PVT1: variants seen among roughly 807,000 people sequenced by gnomAD.
PVT1 encodes CXCR4/PVT1 fusion.
At chr8:127,937,578 C>CAGAGAGAGAGAG (rs1296575228) in intron 3 of PVT1, among the ~76,000 whole-genome samples, 1,513 of 119,136 alleles carry the variant, frequency 0.013, 8 homozygotes, top group Non-Finnish European at 0.018. Flanking sequence ...CACACACACA[C>CAGAGAGAGAGAG]ACAGAGAGAG....
intron 3 of PVT1, among the ~76,000 whole-genome samples, chr8:127,948,892 C>T (rs921366101): frequency 3.3e-5 from 5 of 152,234 alleles, no homozygotes; most frequent in Non-Finnish European, 7.3e-5. Context: ...ATGAGCAAGT[C>T]ACTCACCCTC....
At chr8:127,807,932 T>G (rs1332265049) in intron 2 of PVT1, among the ~76,000 whole-genome samples, 2 of 151,902 alleles carry the variant, frequency 1.3e-5, no homozygotes, top group African/African-American at 2.4e-5. Flanking sequence ...CACGCCCGGT[T>G]AATTGTTTTG....
intron 2 of PVT1, among the ~76,000 whole-genome samples, chr8:127,871,580 T>C (rs905920160): frequency 6.6e-6 from 1 of 152,072 alleles, no homozygotes; most frequent in African/African-American, 2.4e-5. Flanking sequence ...TGCCTCTTAG[T>C]GTAGGGCATG....
chr8:127,972,812 G>A lies in PVT1; in HGVS notation n.783-16350G>A, dbSNP rs1429832879. ...TCCCAGAGAAGCTGATGACATAATT[G>A]CTCTGGGAAGGACTGGGGCATCTGT... On this transcript the variant is annotated intron_variant and non_coding_transcript_variant, in intron 3 of 10. Transcript: ENST00000651587. Among the ~76,000 whole-genome samples the A allele has an allele frequency of 2.0e-5, 3 of 152,142 alleles. No homozygotes were observed. In the East Asian group the frequency reaches 5.8e-4, roughly 29 times the overall value.
chr8:127,814,555 T>TTTG (rs1368868291), intron 2 of PVT1, among the ~76,000 whole-genome samples: 1 of 152,198 alleles, frequency 6.6e-6, no homozygotes, highest in East Asian at 1.9e-4. Flanking sequence ...TTAATCTCCC[T>TTTG]AGCAAACCCT....
At chr8:128,082,151 G>T (rs1423569761) in intron 5 of PVT1, among the ~76,000 whole-genome samples, 1 of 152,200 alleles carries the variant, frequency 6.6e-6, no homozygotes, top group Non-Finnish European at 1.5e-5. Context: ...GCTTAGTATT[G>T]TCAGGGTCTT....
intron 4 of PVT1, among the ~76,000 whole-genome samples, chr8:128,003,760 A>G (rs1817214024): frequency 6.6e-6 from 1 of 152,286 alleles, no homozygotes; most frequent in Non-Finnish European, 1.5e-5. Context: ...CTATTCTCCA[A>G]CATGACTGAT....
chr8:128,016,692 A>G (rs1817378783), intron 4 of PVT1, among the ~76,000 whole-genome samples: 1 of 152,222 alleles, frequency 6.6e-6, no homozygotes, highest in Non-Finnish European at 1.5e-5. Context: ...GAGGGAGACG[A>G]AGATGAGTCA....
intron 2 of PVT1, among the ~76,000 whole-genome samples, chr8:127,796,896 GA>G (rs1270018564): frequency 2.9e-3 from 93 of 31,686 alleles, no homozygotes; most frequent in African/African-American, 8.7e-3. Flanking sequence ...TTTTTTTTTT[GA>G]GACAGAGTTT....
rs79946154 is a variant in PVT1, at chr8:128,085,480, A to G, written n.1115-11038A>G. ...TCTTCCTCCTATGTACTAGGCAATC[A>G]TGAGAAAAACCTTTTTTTTTTAACA... is the stretch of plus-strand genomic sequence containing the variant. On this transcript the variant is annotated intron_variant and non_coding_transcript_variant, in intron 5 of 10. Transcript: ENST00000651587. Among the ~76,000 whole-genome samples the G allele has an allele frequency of 8.6e-3, 1,109 of 129,196 alleles. 34 individuals carry two copies. In the East Asian group the frequency reaches 0.091, roughly 11 times the overall value. 84.8% of individuals were successfully genotyped at this position (129,196 alleles called of 152,430 possible). A position where few individuals can be genotyped will look rare whatever the true frequency, so the allele number is the denominator to read the frequency against.
chr8:127,795,044 C>G (rs1322328551), intron 1 of PVT1, among the ~76,000 whole-genome samples: 1 of 152,138 alleles, frequency 6.6e-6, no homozygotes, highest in Non-Finnish European at 1.5e-5. Flanking sequence ...GATTTGGAGC[C>G]ATGATGTGGT....
At chr8:127,856,233 G>C (rs1009438032) in intron 2 of PVT1, among the ~76,000 whole-genome samples, 2 of 152,210 alleles carry the variant, frequency 1.3e-5, no homozygotes, top group African/African-American at 4.8e-5. Context: ...GTAGGGCTTA[G>C]GGGGTATGCT....
In PVT1 at chr8:128,044,019, T is replaced by A. The variant is rs79558951; in HGVS notation, n.913-26141T>A. On this transcript the variant is annotated intron_variant and non_coding_transcript_variant, in intron 4 of 10. Coordinates refer to ENST00000651587, the Ensembl canonical transcript of PVT1. ...TTTTTTTATTATTATTTATTTATTT[T>A]TTTTTTTTTTTGTAGAGAAGGGGTC... Among the ~76,000 whole-genome samples the A allele has an allele frequency of 1.3e-3, 124 of 99,114 alleles. No individual in the cohort carries two copies. The Middle Eastern group carries it at 0.021, about 16-fold the overall frequency. The allele number at this position is 99,114 out of a possible 152,430, so 65.0% of individuals were successfully genotyped here.
In PVT1 at chr8:128,017,066, G is replaced by A. The variant is rs145710100; in HGVS notation, n.912+27775G>A. On this transcript the variant is annotated intron_variant and non_coding_transcript_variant, in intron 4 of 10. Coordinates refer to ENST00000651587, the Ensembl canonical transcript of PVT1. ...AAGATGGTGTAGAACATCAGAGAGG[G>A]GCTCTTGGAGATTATCTGGCCATCG... Among the ~76,000 whole-genome samples the A allele has an allele frequency of 2.2e-3, 333 of 152,204 alleles. 1 individual carries two copies. Among genetic ancestry groups the A allele is most frequent in the Non-Finnish European group, 3.9e-3 (265 of 68,008 alleles).
At chr8:127,827,294 C>G (rs951502294) in intron 2 of PVT1, among the ~76,000 whole-genome samples, 1 of 152,174 alleles carries the variant, frequency 6.6e-6, no homozygotes, top group Non-Finnish European at 1.5e-5. Context: ...CCACACCCGA[C>G]CTAGCCCCAG....
At chr8:128,012,225 CAG>C (rs1283782252) in intron 4 of PVT1, among the ~76,000 whole-genome samples, 1 of 152,130 alleles carries the variant, frequency 6.6e-6, no homozygotes, top group East Asian at 1.9e-4. Flanking sequence ...AATACATGGG[CAG>C]AGTCATTTCT....
intron 2 of PVT1, among the ~76,000 whole-genome samples, chr8:127,802,062 C>T (rs1336064744): frequency 6.6e-6 from 1 of 151,886 alleles, no homozygotes; most frequent in East Asian, 1.9e-4. Flanking sequence ...ATTACAGGTG[C>T]CCACCACCAC....
Position 127,978,469 on chromosome 8 carries a change from T to TTTA in PVT1, n.783-10681_783-10679dup, listed in dbSNP as rs200294368. ...TCCAGCCTTAGTTGTCATGTTTTTG[T>TTTA]TTATTATTATTATTTATTATTATTA... is the stretch of plus-strand genomic sequence containing the variant. On this transcript the variant is annotated intron_variant and non_coding_transcript_variant, in intron 3 of 10. Coordinates refer to ENST00000651587, the Ensembl canonical transcript of PVT1. Among the ~76,000 whole-genome samples the TTTA allele has an allele frequency of 6.9e-3, 1,048 of 151,548 alleles. 11 individuals carry two copies. The highest frequency in any genetic ancestry group is 0.024 in the African/African-American group (1,009 of 41,274).
chr8:127,873,367 A>G (rs1166358374), intron 2 of PVT1, among the ~76,000 whole-genome samples: 1 of 152,214 alleles, frequency 6.6e-6, no homozygotes, highest in Admixed American at 6.5e-5. Flanking sequence ...TGGAAAATGA[A>G]TAGGAAGGAG....
Sources: gnomAD v4.1 joint callset for allele counts (sites outside exome capture counted in the v4.1 genomes callset) on GRCh38, gnomAD v4.1.1 for gene constraint, MANE v1.5 for transcripts, NCBI Gene and HGNC (gene_info 2026-07-23, HGNC 2026-07-21) for gene names.